The following THOC7 variants were observed in gnomAD, a reference collection of about 807,000 sequenced individuals.
The protein encoded by THOC7 is THO complex subunit 7, also known as NIF3L1-binding protein 1.
In THOC7, 22 loss-of-function variants were observed where a neutral mutation model predicts 33.1. That is an observed-to-expected ratio of 0.66 (90% confidence interval 0.47 to 0.95). The LOEUF is 0.95. Among genes scored for constraint, THOC7 ranks in the 40% least tolerant of loss-of-function variants. The pLI, the probability that THOC7 is intolerant of heterozygous loss-of-function variation, is 0.00. For missense variants in THOC7, 184 were observed against 245.3 expected (o/e 0.75, Z 1.67); for synonymous variants, 77 against 76.8 (o/e 1.00, Z -0.01).
At chr3:63,845,076 G>T in intron 1 of THOC7, 9 of 698,712 alleles carry the variant, frequency 1.3e-5, no homozygotes, top group Non-Finnish European at 2.4e-5. Flanking sequence ...GAGGAACACA[G>T]GAAAAGGTGA....
chr3:63,843,942 T>C (rs1286188400), intron 1 of THOC7, among the ~76,000 whole-genome samples: 1 of 151,744 alleles, frequency 6.6e-6, no homozygotes, highest in African/African-American at 2.4e-5. Context: ...TGTATATATA[T>C]ATGTGTGTAT....
chr3:63,845,175 C>CT (rs1243149636), intron 1 of THOC7: 2 of 524,096 alleles, frequency 3.8e-6, no homozygotes, highest in South Asian at 3.1e-5. Context: ...GCTCTGCTCT[C>CT]TTTAAGTATT....
chr3:63,852,608 G>A (rs1702040258), intron 1 of THOC7, among the ~76,000 whole-genome samples: 1 of 152,178 alleles, frequency 6.6e-6, no homozygotes, highest in South Asian at 2.1e-4. Flanking sequence ...AAGACAAATA[G>A]CAGGACCCAA....
At chr3:63,837,270 T>A (rs1406968456) in intron 4 of THOC7, among the ~76,000 whole-genome samples, 1 of 151,922 alleles carries the variant, frequency 6.6e-6, no homozygotes, top group African/African-American at 2.4e-5. Flanking sequence ...AACTTCAAAA[T>A]AACCATTAAC....
chr3:63,855,574 T>G (rs1474861311), intron 1 of THOC7, among the ~76,000 whole-genome samples: 1 of 151,878 alleles, frequency 6.6e-6, no homozygotes, highest in Non-Finnish European at 1.5e-5. Flanking sequence ...TAAAAGGGAG[T>G]TTCTCATAAA....
At chr3:63,859,896 T>G (rs533021682) in intron 1 of THOC7, among the ~76,000 whole-genome samples, 12 of 152,196 alleles carry the variant, frequency 7.9e-5, no homozygotes, top group Non-Finnish European at 1.6e-4. Flanking sequence ...AGATATTCAA[T>G]CAAAAAACCC....
chr3:63,844,067 A>C (rs542162918), intron 1 of THOC7, among the ~76,000 whole-genome samples: 3 of 152,246 alleles, frequency 2.0e-5, no homozygotes, highest in Non-Finnish European at 4.4e-5. Flanking sequence ...ATGAACCTAG[A>C]GAACATTATG....
At chr3:63,847,070 G>A (rs529288291) in intron 1 of THOC7, among the ~76,000 whole-genome samples, 122 of 152,150 alleles carry the variant, frequency 8.0e-4, no homozygotes, top group African/African-American at 2.7e-3. Flanking sequence ...GGAATGGATC[G>A]AAGAATTGCG....
At chr3:63,842,607 C>CA (rs1701791492) in intron 1 of THOC7, among the ~76,000 whole-genome samples, 1 of 152,074 alleles carries the variant, frequency 6.6e-6, no homozygotes. Context: ...AATGGAAAAT[C>CA]AAATACCATA....
intron 1 of THOC7, among the ~76,000 whole-genome samples, chr3:63,842,731 A>C (rs752269215): frequency 7.2e-5 from 11 of 152,134 alleles, no homozygotes; most frequent in Non-Finnish European, 1.2e-4. Context: ...AGGGAAAAAA[A>C]AACTACATTG....
intron 1 of THOC7, chr3:63,863,362 T>C (rs2107177357): frequency 1.2e-6 from 1 of 840,146 alleles, no homozygotes; most frequent in Non-Finnish European, 1.5e-6. Flanking sequence ...GGCACCACTG[T>C]CCACCCTTCG....
intron 7 of THOC7, 69 bp downstream of exon 7, chr3:63,835,085 C>G: frequency 6.8e-7 from 1 of 1,473,416 alleles, no homozygotes; most frequent in East Asian, 2.3e-5. Context: ...ATGTATATTT[C>G]AAAAGGTACA....
intron 7 of THOC7, 78 bp from the exon 8 acceptor site, chr3:63,834,277 T>G: frequency 7.3e-7 from 1 of 1,369,730 alleles, no homozygotes; most frequent in Non-Finnish European, 1.0e-6. Flanking sequence ...GAAAACATGT[T>G]TATCCTTTAT....
intron 1 of THOC7, chr3:63,863,111 C>G (rs1398539011): frequency 1.3e-5 from 2 of 152,614 alleles, no homozygotes; most frequent in East Asian, 3.9e-4. Flanking sequence ...CCTATCTATT[C>G]CTTTTATAAA....
chr3:63,836,165 T>G, intron 5 of THOC7, 136 bp downstream of exon 5: 2 of 726,450 alleles, frequency 2.8e-6, no homozygotes, highest in South Asian at 4.9e-5. Flanking sequence ...CAGAGAAGTA[T>G]GGGAAAATAT....
chr3:63,846,252 G>A (rs1701892369), intron 1 of THOC7: 2 of 443,956 alleles, frequency 4.5e-6, no homozygotes, highest in Non-Finnish European at 4.5e-6. Flanking sequence ...CCTTATAAGA[G>A]AATCGTCTGA....
At chr3:63,848,989 A>G (rs1701966174) in intron 1 of THOC7, among the ~76,000 whole-genome samples, 1 of 152,254 alleles carries the variant, frequency 6.6e-6, no homozygotes, top group African/African-American at 2.4e-5. Context: ...GGTTGTCTGC[A>G]TAAGTTCAAC....
chr3:63,843,541 G>A (rs1427856720), intron 1 of THOC7, among the ~76,000 whole-genome samples: 1 of 152,280 alleles, frequency 6.6e-6, no homozygotes, highest in East Asian at 1.9e-4. Flanking sequence ...AACGTTTATA[G>A]CAGCCTTATT....
At chr3:63,861,806 TTAA>T (rs1559611546) in intron 1 of THOC7, 7 of 151,648 alleles carry the variant, frequency 4.6e-5, no homozygotes. Flanking sequence ...TTTTTTTTTT[TTAA>T]TGAGACACGG....
Sources: gnomAD v4.1 joint callset for allele counts (sites outside exome capture counted in the v4.1 genomes callset) on GRCh38, gnomAD v4.1.1 for gene constraint, MANE v1.5 for transcripts, NCBI Gene and HGNC (gene_info 2026-07-23, HGNC 2026-07-21) for gene names.